Variants in TTC17 observed in about 807,000 individuals in gnomAD.
The protein encoded by TTC17 is tetratricopeptide repeat domain 17, also known as tetratricopeptide repeat protein 17.
TTC17 carries 58 observed loss-of-function variants against 143.8 expected under a neutral mutation model. That is an observed-to-expected ratio of 0.40 (90% CI 0.33 to 0.50). The LOEUF is 0.50. TTC17 is among the 20% of genes least tolerant of loss of function. TTC17 has a pLI of 0.49. For synonymous variants in TTC17, 501 were observed against 497.8 expected (o/e 1.01, Z -0.09); for missense variants, 1,273 against 1,392.5 (o/e 0.91, Z 1.37).
chr11:43,464,358 A>T (rs1372400528), intron 21 of TTC17, among the ~76,000 whole-genome samples: 1 of 152,210 alleles, frequency 6.6e-6, no homozygotes, highest in African/African-American at 2.4e-5. Context: ...ATTAAAATAA[A>T]TGTAACAAAA....
intron 15 of TTC17, among the ~76,000 whole-genome samples, chr11:43,411,371 A>G (rs1248825116): frequency 2.6e-5 from 4 of 152,096 alleles, no homozygotes; most frequent in African/African-American, 9.7e-5. Context: ...TCTTATGAAT[A>G]CTAACTTCTC....
chr11:43,369,265 C>T (rs557346733), intron 1 of TTC17, among the ~76,000 whole-genome samples: 1 of 152,264 alleles, frequency 6.6e-6, no homozygotes, highest in East Asian at 1.9e-4. Context: ...ACTTGCTTGT[C>T]AATTAGGAGA....
At chr11:43,359,593 C>G (rs1856013643) in intron 1 of TTC17, among the ~76,000 whole-genome samples, 1 of 152,196 alleles carries the variant, frequency 6.6e-6, no homozygotes, top group Non-Finnish European at 1.5e-5. Flanking sequence ...CTCCCCTAGT[C>G]TCGTCTACCA....
intron 21 of TTC17, among the ~76,000 whole-genome samples, chr11:43,462,068 A>G (rs914993249): frequency 5.3e-5 from 8 of 150,416 alleles, no homozygotes; most frequent in African/African-American, 2.0e-4. Flanking sequence ...GTGTAACTTA[A>G]GAATTAAATG....
chr11:43,478,009 A>T (rs1948216468), intron 21 of TTC17, among the ~76,000 whole-genome samples: 1 of 152,194 alleles, frequency 6.6e-6, no homozygotes, highest in Non-Finnish European at 1.5e-5. Flanking sequence ...GTACACACCT[A>T]TAAAGTAGTT....
intron 1 of TTC17, among the ~76,000 whole-genome samples, chr11:43,375,747 A>T (rs1468206683): frequency 5.3e-5 from 8 of 152,194 alleles, no homozygotes; most frequent in Non-Finnish European, 1.2e-4. Flanking sequence ...TCTGCCATAA[A>T]GAATAATTAA....
chr11:43,449,948 CAG>C (rs1443243304), intron 19 of TTC17, 132 bp from the exon 20 acceptor site: 12 of 988,116 alleles, frequency 1.2e-5, no homozygotes, highest in South Asian at 5.5e-5. Context: ...CGTTTAAAAT[CAG>C]GGGATAGCAT....
chr11:43,431,495 C>T (rs993304954), intron 16 of TTC17, among the ~76,000 whole-genome samples: 11 of 152,212 alleles, frequency 7.2e-5, no homozygotes, highest in African/African-American at 2.7e-4. Flanking sequence ...ACCCTGATAA[C>T]TTCTAATAGC....
chr11:43,376,044 A>C lies in TTC17; in HGVS notation c.160-3189A>C, dbSNP rs142672724. Among the ~76,000 whole-genome samples, 319 of 152,324 alleles carry C rather than the reference A, an allele frequency of 2.1e-3. 1 individual carries two copies. Among genetic ancestry groups the C allele is most frequent in the Non-Finnish European group, 3.6e-3 (246 of 68,004 alleles). ...TTACTCATGTTATATATAATTGGATACATGTACAGGTTGAGTATCCCTAAT... is the reference window on the plus strand; with the variant it reads ...TTACTCATGTTATATATAATTGGATCCATGTACAGGTTGAGTATCCCTAAT... On this transcript the variant is annotated intron_variant, in intron 1 of 23. Coordinates refer to ENST00000039989, the MANE Select transcript of TTC17 (RefSeq NM_018259.6).
At chr11:43,447,775 T>A in intron 18 of TTC17, 6 of 450,184 alleles carry the variant, frequency 1.3e-5, no homozygotes, top group Non-Finnish European at 2.3e-5. Context: ...AGCAAAGGAC[T>A]CATTTATTCT....
intron 21 of TTC17, chr11:43,466,479 C>G (rs1157864459): frequency 5.9e-6 from 1 of 170,786 alleles, no homozygotes; most frequent in Non-Finnish European, 1.3e-5. Flanking sequence ...AGACAAATTT[C>G]CAAAGACAGG....
chr11:43,362,147 ATTTGTGTGTG>A (rs1176521476), intron 1 of TTC17, among the ~76,000 whole-genome samples: 6 of 106,580 alleles, frequency 5.6e-5, no homozygotes, highest in Admixed American at 4.1e-4. Flanking sequence ...CACCCGGCTA[ATTTGTGTGTG>A]TGTGTGTGTG....
At chr11:43,458,929 G>A (rs556305247) in intron 21 of TTC17, among the ~76,000 whole-genome samples, 35 of 152,006 alleles carry the variant, frequency 2.3e-4, no homozygotes, top group Non-Finnish European at 4.7e-4. Context: ...TTTATCATGG[G>A]TATGTATATA....
In TTC17 at chr11:43,391,827, C is replaced by G; in HGVS notation, c.538C>G (p.Gln180Glu). Residue 180 changes from glutamine to glutamate, a missense_variant, in exon 5 of 24, where the codon CAG becomes GAG. Gln to Glu is a conservative substitution (Grantham distance 29, BLOSUM62 2). Transcript: ENST00000039989. The stretch of plus-strand genomic sequence containing the variant: ...ATCTTTTTCTTCTCTTCAGGGTGTA[C>G]AGGAGAGAGTTAATCTTTCTGCACC... ...IHAFQHLRGVQERVNLSAPLL... is the reference protein window; with the variant it reads ...IHAFQHLRGVEERVNLSAPLL... 1 of 1,612,668 alleles carries G rather than the reference C, an allele frequency of 6.2e-7. No individual in the cohort carries two copies.
intron 8 of TTC17, among the ~76,000 whole-genome samples, chr11:43,399,684 T>A (rs527879030): frequency 6.6e-5 from 10 of 152,244 alleles, no homozygotes; most frequent in East Asian, 1.9e-4. Flanking sequence ...CCCCATTTTT[T>A]AAAAAAGTTG....
intron 2 of TTC17, among the ~76,000 whole-genome samples, chr11:43,386,472 A>G (rs2134507716): frequency 6.6e-6 from 1 of 152,350 alleles, no homozygotes; most frequent in Middle Eastern, 3.4e-3. Context: ...TAATCTTATG[A>G]GACCACTGCT....
chr11:43,386,439 G>C (rs907033549), intron 2 of TTC17, among the ~76,000 whole-genome samples: 1 of 152,094 alleles, frequency 6.6e-6, no homozygotes, highest in African/African-American at 2.4e-5. Context: ...GCATAAAAAA[G>C]GTACAGTAAA....
rs141730844 is a variant in TTC17 at position 43,396,720 on chromosome 11, G to T, written c.675G>T (p.Ser225=). ...TTTTTAATCTCTAGAACACTTCCTC[G>T]TGGGTACTGTATAACATGGCTTCAT... is the stretch of plus-strand genomic sequence containing the variant. ...IHEGLQKNTS[S]WVLYNMASFY... Residue 225 remains serine (S), a synonymous_variant, in exon 6 of 24, where the codon TCG becomes TCT. Transcript: ENST00000039989. 7 of 1,582,142 alleles carry T rather than the reference G, an allele frequency of 4.4e-6. No individual in the cohort carries two copies. Among genetic ancestry groups the T allele is most frequent in the Non-Finnish European group, 1.7e-6 (2 of 1,158,046 alleles).
Position 43,405,643 on chromosome 11 carries a change from G to T in TTC17, c.1595+14G>T. On this transcript the variant is annotated intron_variant, in intron 12 of 23. Transcript: ENST00000039989. ...CAAAGGACTCAGGCAAGTGGTGATG[G>T]ATTTGGCAAAGCACCTGATTCTGCA... 1 of 1,613,364 alleles carries T rather than the reference G, an allele frequency of 6.2e-7. No homozygotes were observed. Among genetic ancestry groups the T allele is most frequent in the Non-Finnish European group, 8.5e-7 (1 of 1,179,386 alleles).
Sources: gnomAD v4.1 joint callset for allele counts (sites outside exome capture counted in the v4.1 genomes callset) on GRCh38, gnomAD v4.1.1 for gene constraint, MANE v1.5 for transcripts, NCBI Gene and HGNC (gene_info 2026-07-23, HGNC 2026-07-21) for gene names.